Variants in BMPER observed in about 807,000 individuals in gnomAD.
BMPER encodes the protein BMP-binding endothelial regulator protein.
In BMPER, 45 loss-of-function variants were observed where a neutral mutation model predicts 87.3. The ratio of observed to expected loss-of-function variants is 0.52; its 90% CI spans 0.41 to 0.66. The LOEUF (loss-of-function observed/expected upper bound fraction) is 0.66, where lower values mean the gene tolerates loss of function less well. Ranked by LOEUF, BMPER falls within the 30% of genes least tolerant of loss-of-function variation. The probability of loss-of-function intolerance (pLI) is 0.00; values close to 1 mark genes in which losing one functional copy is unlikely to be tolerated. For missense variants in BMPER, 784 were observed against 867.5 expected, an observed-to-expected ratio of 0.90 and a Z score of 1.21; for synonymous variants, 326 against 316.2, an observed-to-expected ratio of 1.03 and a Z score of -0.33.
At chr7:34,108,777 A>G (rs999433839) in intron 13 of BMPER, among the ~76,000 whole-genome samples, 1 of 152,208 alleles carries the variant, frequency 6.6e-6, no homozygotes, top group Non-Finnish European at 1.5e-5. Flanking sequence ...TTGCAATGGG[A>G]AAACCCCTAA....
chr7:33,951,383 C>A (rs1229852134), intron 3 of BMPER, among the ~76,000 whole-genome samples: 1 of 152,128 alleles, frequency 6.6e-6, no homozygotes, highest in Admixed American at 6.5e-5. Flanking sequence ...ATGTTTTATG[C>A]TCACTTCCTG....
chr7:33,905,359 G>GAAAA (rs34276608), upstream of BMPER: 665 of 249,770 alleles, frequency 2.7e-3, 4 homozygotes, highest in African/African-American at 0.011. Context: ...ACTCCCTCAG[G>GAAAA]AAAAAAAAAA....
chr7:34,060,468 T>C (rs983397716), intron 10 of BMPER, among the ~76,000 whole-genome samples: 2 of 152,270 alleles, frequency 1.3e-5, no homozygotes, highest in Admixed American at 6.5e-5. Context: ...CTCTAGGCAA[T>C]GAAAATATGT....
intron 3 of BMPER, among the ~76,000 whole-genome samples, chr7:33,946,061 G>T (rs61123325): frequency 0.011 from 1,651 of 152,226 alleles, 18 homozygotes; most frequent in African/African-American, 0.038. Flanking sequence ...AAAGAAAAGA[G>T]GTTTAGTTGA....
chr7:33,990,411 CTGTT>C (rs1394312749), intron 6 of BMPER, among the ~76,000 whole-genome samples: 1 of 138,450 alleles, frequency 7.2e-6, no homozygotes, highest in Non-Finnish European at 1.6e-5. Context: ...ATTTGGCTCT[CTGTT>C]TGTCTGTTGT....
chr7:33,905,469 C>A (rs1214315773), upstream of BMPER: 8 of 872,752 alleles, frequency 9.2e-6, no homozygotes, highest in Non-Finnish European at 1.4e-5. Flanking sequence ...CCCCCCGCCC[C>A]CCAGCTCTCG....
chr7:33,944,832 A>G (rs1269716716), intron 3 of BMPER, among the ~76,000 whole-genome samples: 6 of 152,136 alleles, frequency 3.9e-5, no homozygotes, highest in Admixed American at 3.9e-4. Context: ...TATATTGTAA[A>G]TTGGTCTTTA....
intron 2 of BMPER, among the ~76,000 whole-genome samples, chr7:33,927,862 G>A (rs1232441154): frequency 1.3e-5 from 2 of 152,160 alleles, no homozygotes; most frequent in African/African-American, 2.4e-5. Flanking sequence ...CACCAGAAAG[G>A]TATAAAAATA....
At chr7:33,929,614 TA>T (rs1185173432) in intron 2 of BMPER, among the ~76,000 whole-genome samples, 5 of 152,238 alleles carry the variant, frequency 3.3e-5, no homozygotes, top group African/African-American at 1.2e-4. Flanking sequence ...AATGAAGCTA[TA>T]TAGCATAGTG....
intron 12 of BMPER, 56 bp from the exon 13 acceptor site, chr7:34,085,700 G>T: frequency 1.4e-6 from 2 of 1,461,770 alleles, no homozygotes; most frequent in Non-Finnish European, 1.9e-6. Flanking sequence ...ATACATTTGG[G>T]AATTATTAGT....
At chr7:34,067,198 G>A (rs1003450425) in intron 11 of BMPER, 1 of 152,120 alleles carries the variant, frequency 6.6e-6, no homozygotes, top group African/African-American at 2.4e-5. Flanking sequence ...AACCCCCCAG[G>A]GTTGGTTTCC....
rs753940001 is a variant in BMPER at position 33,905,662 on chromosome 7, C to G, written c.49C>G (p.Arg17Gly). Residue 17 changes from arginine (R) to glycine (G), a missense_variant, in exon 1 of 15, where the codon CGC (arginine) becomes GGC (glycine). By Grantham distance (125) the Arg-to-Gly change is moderately radical. Coordinates refer to ENST00000649409, the MANE Select transcript of BMPER (RefSeq NM_001365308.1). ...GGCTCTGGCTGAGCGTTACTGCCGC[C>G]GCTCGCCTGGGATTACGTGCTGCGT... ...VGALAERYCRRSPGITCCVLL... is the reference protein window; with the variant it reads ...VGALAERYCRGSPGITCCVLL... 7.4e-6 allele frequency: 12 copies of G among 1,613,444 alleles called. 1 individual carries two copies. The South Asian group carries it at 1.3e-4, about 18-fold the overall frequency.
intron 3 of BMPER, among the ~76,000 whole-genome samples, chr7:33,954,107 G>C (rs970437950): frequency 3.3e-5 from 5 of 152,162 alleles, no homozygotes; most frequent in Non-Finnish European, 5.9e-5. Context: ...CCCCTAGGTG[G>C]TTCTGATGTT....
intron 6 of BMPER, among the ~76,000 whole-genome samples, chr7:34,018,921 GA>G (rs1234727414): frequency 6.6e-6 from 1 of 152,002 alleles, no homozygotes; most frequent in Non-Finnish European, 1.5e-5. Context: ...CCTTGATTCA[GA>G]GTGGGATTTG....
At chr7:34,041,795 C>A (rs1034182321) in intron 6 of BMPER, among the ~76,000 whole-genome samples, 1 of 152,040 alleles carries the variant, frequency 6.6e-6, no homozygotes. Context: ...AAATAGAGAA[C>A]TCTATTTTTT....
chr7:33,908,993 C>T (rs748383354), intron 2 of BMPER, among the ~76,000 whole-genome samples: 1 of 152,176 alleles, frequency 6.6e-6, no homozygotes, highest in Non-Finnish European at 1.5e-5. Context: ...GCACTCCGGA[C>T]AGCCAGGAAG....
intron 13 of BMPER, among the ~76,000 whole-genome samples, chr7:34,137,754 T>G (rs1370790248): frequency 1.3e-5 from 2 of 152,032 alleles, no homozygotes; most frequent in Non-Finnish European, 2.9e-5. Context: ...AGTCCAAGGG[T>G]TGATGGGACA....
intron 13 of BMPER, among the ~76,000 whole-genome samples, chr7:34,118,244 G>T (rs781683325): frequency 6.6e-6 from 1 of 152,100 alleles, no homozygotes; most frequent in Non-Finnish European, 1.5e-5. Context: ...GGCGGAGTTT[G>T]CAGTGAGCCG....
chr7:34,006,924 C>T (rs1786750508), intron 6 of BMPER, among the ~76,000 whole-genome samples: 1 of 152,070 alleles, frequency 6.6e-6, no homozygotes, highest in Non-Finnish European at 1.5e-5. Flanking sequence ...AGGAGCACGT[C>T]AGGCTAAATG....
Sources: allele counts gnomAD v4.1 joint callset (sites outside exome capture counted in the v4.1 genomes callset), GRCh38; gene constraint gnomAD v4.1.1; transcripts MANE v1.5; gene names NCBI Gene and HGNC (gene_info 2026-07-23, HGNC 2026-07-21).